The following ARSG variants were observed in gnomAD, a reference collection of about 807,000 sequenced individuals.
ARSG encodes ASG.
Under a neutral mutation model 50.5 loss-of-function variants are expected in ARSG, and 37 were observed. The observed-to-expected ratio is 0.73, with a 90% CI of 0.56 to 0.96. ARSG has a LOEUF of 0.96. Ranked by LOEUF, ARSG falls within the 50% of genes least tolerant of loss-of-function variation. The pLI is 0.00. For missense variants in ARSG, 629 were observed against 675.3 expected, an observed-to-expected ratio of 0.93 and a Z score of 0.76; for synonymous variants, 225 against 254.6, an observed-to-expected ratio of 0.88 and a Z score of 1.11.
intron 11 of ARSG, among the ~76,000 whole-genome samples, chr17:68,415,828 T>C (rs925910427): frequency 4.6e-5 from 7 of 152,232 alleles, no homozygotes; most frequent in African/African-American, 1.7e-4. Flanking sequence ...TGATATAAGA[T>C]AGCTACCCCT....
chr17:68,451,533 C>G, the ARSG span, among the ~76,000 whole-genome samples: 1 of 152,212 alleles, frequency 6.6e-6, no homozygotes, highest in Admixed American at 6.5e-5. Context: ...CCCCTCCAGA[C>G]CCTAGGGCTC....
intron 1 of ARSG, among the ~76,000 whole-genome samples, chr17:68,270,389 A>C (rs1294252412): frequency 6.6e-6 from 1 of 152,074 alleles, no homozygotes; most frequent in African/African-American, 2.4e-5. Flanking sequence ...CCCCATCTCT[A>C]CTAAAAATAC....
intron 8 of ARSG, among the ~76,000 whole-genome samples, chr17:68,376,368 C>T (rs1357496338): frequency 1.3e-5 from 2 of 151,538 alleles, no homozygotes; most frequent in African/African-American, 4.9e-5. Context: ...CCTCAACCTC[C>T]TGGATTCAAG....
Position 68,270,799 on chromosome 17 carries a change from G to A in ARSG, c.-552+11373G>A, listed in dbSNP as rs1171780181. Reference sequence around the variant, plus strand: ...CAGGAAGCTAGCACAATTCACAAGGGAAAGTAGACAAGTGTTTGTATTTTG... The same window carrying A: ...CAGGAAGCTAGCACAATTCACAAGGAAAAGTAGACAAGTGTTTGTATTTTG... On this transcript the variant is annotated intron_variant, in intron 1 of 11. Coordinates refer to the ARSG transcript ENST00000448504. The A allele has an allele frequency of 8.6e-6, 13 of 1,507,318 alleles. No individual in the cohort carries two copies. The South Asian group carries it at 1.2e-4, about 13-fold the overall frequency. The allele number at this position is 1,507,318 out of a possible 1,614,324, so 93.4% of individuals were successfully genotyped here.
chr17:68,437,782 G>GT, the ARSG span, among the ~76,000 whole-genome samples: 1 of 151,884 alleles, frequency 6.6e-6, no homozygotes, highest in Non-Finnish European at 1.5e-5. Context: ...AACATAAGCT[G>GT]TTTTTATTTA....
At chr17:68,403,950 C>G (rs1322188998) in intron 11 of ARSG, among the ~76,000 whole-genome samples, 2 of 151,742 alleles carry the variant, frequency 1.3e-5, no homozygotes, top group African/African-American at 4.8e-5. Flanking sequence ...TGAGTGAGAA[C>G]ATGTGGTGTT....
intron 1 of ARSG, among the ~76,000 whole-genome samples, chr17:68,303,621 TGTATTTTTA>T (rs1292342208): frequency 1.3e-5 from 2 of 152,118 alleles, no homozygotes; most frequent in Non-Finnish European, 2.9e-5. Context: ...GCTAATTTTT[TGTATTTTTA>T]GTAGAGATGG....
chr17:68,412,818 TTC>T (rs1267245899), intron 11 of ARSG, among the ~76,000 whole-genome samples: 1 of 151,932 alleles, frequency 6.6e-6, no homozygotes, highest in Non-Finnish European at 1.5e-5. Context: ...CTTTGCTCAT[TTC>T]TTTTTATTCT....
chr17:68,427,261 T>C, downstream of ARSG: 2 of 1,607,122 alleles, frequency 1.2e-6, no homozygotes, highest in Non-Finnish European at 1.7e-6. Context: ...AAGCTACTTG[T>C]GACAATCAAG....
intron 6 of ARSG, among the ~76,000 whole-genome samples, chr17:68,364,164 C>T (rs969053413): frequency 6.6e-6 from 1 of 152,152 alleles, no homozygotes; most frequent in Non-Finnish European, 1.5e-5. Context: ...CCTGTCTCCA[C>T]ACCCTGCCCC....
the ARSG span, among the ~76,000 whole-genome samples, chr17:68,446,222 C>G: frequency 2.0e-5 from 3 of 151,890 alleles, no homozygotes; most frequent in Admixed American, 2.0e-4. Flanking sequence ...GTTCTGTCAC[C>G]CAGGCTGCAG....
At chr17:68,427,345 C>T, downstream of ARSG, 1 of 962,958 alleles carries the variant, frequency 1.0e-6, no homozygotes, top group South Asian at 1.4e-5. Flanking sequence ...GAAGCCTGTG[C>T]TCAGCTCTGT....
At chr17:68,317,231 A>G (rs1178044327) in intron 2 of ARSG, among the ~76,000 whole-genome samples, 1 of 152,166 alleles carries the variant, frequency 6.6e-6, no homozygotes, top group Non-Finnish European at 1.5e-5. Flanking sequence ...CTCTATTTAC[A>G]TGGAGATAAA....
At chr17:68,407,750 T>G (rs1295541013) in intron 11 of ARSG, among the ~76,000 whole-genome samples, 1 of 152,164 alleles carries the variant, frequency 6.6e-6, no homozygotes, top group Non-Finnish European at 1.5e-5. Context: ...TCTAGGAGCT[T>G]TCTGGAGGAG....
chr17:68,339,599 A>G (rs1260926419), intron 2 of ARSG, among the ~76,000 whole-genome samples: 10 of 152,218 alleles, frequency 6.6e-5, no homozygotes, highest in Non-Finnish European at 1.5e-4. Flanking sequence ...TGAAGAGACT[A>G]GACCAGTTTT....
chr17:68,357,768 G>T (rs982831728), intron 6 of ARSG, among the ~76,000 whole-genome samples: 2 of 152,120 alleles, frequency 1.3e-5, no homozygotes, highest in African/African-American at 4.8e-5. Context: ...ATCTGAAGGG[G>T]GCAGCTACTA....
intron 10 of ARSG, among the ~76,000 whole-genome samples, chr17:68,395,635 G>A (rs1003968523): frequency 6.6e-6 from 1 of 152,178 alleles, no homozygotes; most frequent in African/African-American, 2.4e-5. Flanking sequence ...TTGGCTTAGG[G>A]TGGGTGTATA....
chr17:68,405,090 G>A (rs1463166786), intron 11 of ARSG, among the ~76,000 whole-genome samples: 1 of 144,180 alleles, frequency 6.9e-6, no homozygotes, highest in Non-Finnish European at 1.5e-5. Context: ...TAGACTTGTT[G>A]CAGTTTTGAA....
At chr17:68,343,110 G>T (rs1398425311) in intron 2 of ARSG, among the ~76,000 whole-genome samples, 1 of 152,122 alleles carries the variant, frequency 6.6e-6, no homozygotes, top group Non-Finnish European at 1.5e-5. Context: ...GCCTCTCTGG[G>T]TTTCTTTTTC....
Sources: allele counts gnomAD v4.1 joint callset (sites outside exome capture counted in the v4.1 genomes callset), GRCh38; gene constraint gnomAD v4.1.1; transcripts MANE v1.5; gene names NCBI Gene and HGNC (gene_info 2026-07-23, HGNC 2026-07-21).